Variants in SPTLC2 observed in about 807,000 individuals in gnomAD.
The protein encoded by SPTLC2 is serine palmitoyltransferase long chain base subunit 2.
SPTLC2 carries 21 observed loss-of-function variants against 62.0 expected under a neutral mutation model. That is an observed-to-expected ratio of 0.34 (90% confidence interval 0.24 to 0.49). SPTLC2 has a LOEUF of 0.49. Among genes scored for constraint, SPTLC2 ranks in the 20% least tolerant of loss-of-function variants. The pLI, the probability that SPTLC2 is intolerant of heterozygous loss-of-function variation, is 0.99. For missense variants in SPTLC2, 511 were observed against 713.0 expected (o/e 0.72, Z 3.23); for synonymous variants, 261 against 261.8 (o/e 1.00, Z 0.03).
chr14:77,587,635 C>T lies in SPTLC2; in HGVS notation c.328-8526G>A, dbSNP rs369511797. On this transcript the variant is annotated intron_variant, in intron 2 of 11. Coordinates refer to ENST00000216484, the MANE Select transcript of SPTLC2 (RefSeq NM_004863.4). Reference sequence around the variant, plus strand: ...ACAAAAAATTAACCGGGTGTGGTGGCAGGCACCTGTAATCCCAGCTACTCG... The same window carrying T: ...ACAAAAAATTAACCGGGTGTGGTGGTAGGCACCTGTAATCCCAGCTACTCG... Among the ~76,000 whole-genome samples the T allele has an allele frequency of 5.9e-4, 90 of 152,022 alleles. 2 individuals carry two copies. The South Asian group carries it at 0.018, about 30-fold the overall frequency.
At chr14:77,595,569 G>T (rs2079842117) in intron 2 of SPTLC2, among the ~76,000 whole-genome samples, 1 of 152,124 alleles carries the variant, frequency 6.6e-6, no homozygotes, top group South Asian at 2.1e-4. Context: ...CAAGATGGTT[G>T]AGATGAGAGA....
At chr14:77,512,525 G>T in intron 11 of SPTLC2, 122 bp from the exon 12 acceptor site, 1 of 1,429,544 alleles carries the variant, frequency 7.0e-7, no homozygotes. Flanking sequence ...TATGTCTAGT[G>T]CATTTACAAG....
chr14:77,601,844 G>C (rs2079879081), intron 1 of SPTLC2, among the ~76,000 whole-genome samples: 1 of 152,000 alleles, frequency 6.6e-6, no homozygotes, highest in Non-Finnish European at 1.5e-5. Flanking sequence ...TTCATTTTCT[G>C]ATAGAGACAA....
At chr14:77,604,836 C>T (rs111568333) in intron 1 of SPTLC2, among the ~76,000 whole-genome samples, 6,362 of 137,682 alleles carry the variant, frequency 0.046, 450 homozygotes, top group African/African-American at 0.16. Context: ...AACCACATTC[C>T]GGCCTGGGCA....
chr14:77,588,766 T>C (rs2140049043), intron 2 of SPTLC2, among the ~76,000 whole-genome samples: 1 of 150,718 alleles, frequency 6.6e-6, no homozygotes, highest in South Asian at 2.1e-4. Context: ...TTTAGGAGGC[T>C]GAGGCAGGCG....
chr14:77,596,470 T>C (rs2079848163), intron 2 of SPTLC2, among the ~76,000 whole-genome samples: 1 of 152,032 alleles, frequency 6.6e-6, no homozygotes, highest in Admixed American at 6.6e-5. Context: ...ACCACTGCAC[T>C]CCAGCCTGGG....
intron 8 of SPTLC2, 44 bp from the exon 9 acceptor site, chr14:77,552,266 T>A (rs769458285): frequency 1.2e-6 from 2 of 1,611,588 alleles, no homozygotes; most frequent in Admixed American, 3.3e-5. Context: ...AATTCTTGCA[T>A]TCACCGGCAA....
intron 2 of SPTLC2, among the ~76,000 whole-genome samples, chr14:77,582,644 G>A (rs1464516815): frequency 6.6e-6 from 1 of 152,172 alleles, no homozygotes; most frequent in African/African-American, 2.4e-5. Flanking sequence ...GATTAGGAAG[G>A]AAGCAATGGG....
At chr14:77,581,612 A>G (rs1476970111) in intron 2 of SPTLC2, among the ~76,000 whole-genome samples, 1 of 151,546 alleles carries the variant, frequency 6.6e-6, no homozygotes, top group African/African-American at 2.4e-5. Flanking sequence ...GGGTTTCACT[A>G]TGTTGGCCAG....
Position 77,506,468 on chromosome 14 carries a change from G to A in SPTLC2, c.*5816C>T, listed in dbSNP as rs778364257. Reference sequence around the variant, plus strand: ...CTTAATGTTAGCTGCCTGTTACAGAGAGGGATCATCAAGACTGTGTGGACA... The same window carrying A: ...CTTAATGTTAGCTGCCTGTTACAGAAAGGGATCATCAAGACTGTGTGGACA... On this transcript the variant is annotated 3_prime_UTR_variant, in exon 12 of 12. Transcript: ENST00000216484. 2 of 152,260 alleles carry A rather than the reference G, an allele frequency of 1.3e-5. No individual in the cohort carries two copies. Among genetic ancestry groups the A allele is most frequent in the African/African-American group, 4.8e-5 (2 of 41,466 alleles). 9.4% of individuals were successfully genotyped at this position (152,260 alleles called of 1,614,324 possible).
Position 77,512,313 on chromosome 14 carries a change from C to A in SPTLC2, c.1660G>T (p.Glu554Ter). Residue 554 changes from glutamate (E) to a stop codon, truncating the protein, a stop_gained, in exon 12 of 12, where the codon GAG becomes TAG. Transcript: ENST00000216484. LOFTEE classifies it high-confidence loss of function. Reference sequence around the variant, plus strand: ...TCTTCTGTTTCTTCATACGTCGTCTCGTCAAAGGGCCTGTCCAGTAGAGGT... The same window carrying A: ...TCTTCTGTTTCTTCATACGTCGTCTAGTCAAAGGGCCTGTCCAGTAGAGGT... ...LVPLLDRPFDETTYEETED is the reference protein window; with the variant it reads ...LVPLLDRPFD The A allele has an allele frequency of 6.2e-7, 1 of 1,614,184 alleles. No individual in the cohort carries two copies. Among genetic ancestry groups the A allele is most frequent in the Non-Finnish European group, 8.5e-7 (1 of 1,180,040 alleles).
chr14:77,604,352 T>C (rs1234657523), intron 1 of SPTLC2, among the ~76,000 whole-genome samples: 1 of 152,154 alleles, frequency 6.6e-6, no homozygotes, highest in Non-Finnish European at 1.5e-5. Flanking sequence ...CTGAGACTTG[T>C]TCAATTTCAT....
chr14:77,555,639 A>G (rs1483486519), intron 7 of SPTLC2, 120 bp from the exon 8 acceptor site: 1 of 1,017,210 alleles, frequency 9.8e-7, no homozygotes, highest in South Asian at 1.4e-5. Flanking sequence ...TTCTTGGGAC[A>G]GAGTTTTGCT....
chr14:77,551,441 A>G (rs1433632496), intron 9 of SPTLC2, among the ~76,000 whole-genome samples: 1 of 151,518 alleles, frequency 6.6e-6, no homozygotes, highest in African/African-American at 2.4e-5. Context: ...TGTCTCATAC[A>G]TGCAATGAAA....
In SPTLC2 at chr14:77,570,364, T is replaced by A; in HGVS notation, c.756+20A>T. The A allele has an allele frequency of 6.2e-7, 1 of 1,611,476 alleles. No homozygotes were observed. Among genetic ancestry groups the A allele is most frequent in the Non-Finnish European group, 8.5e-7 (1 of 1,179,776 alleles). On this transcript the variant is annotated intron_variant, in intron 5 of 11. Transcript: ENST00000216484. ...GAAGATATACATGAGGGAGTTTTCA[T>A]AAATGACAGAGTATCTTACTTTGCC...
chr14:77,528,238 C>CA (rs551046280), intron 9 of SPTLC2, among the ~76,000 whole-genome samples: 1 of 148,974 alleles, frequency 6.7e-6, no homozygotes, highest in East Asian at 1.9e-4. Context: ...TTTTCCTCTT[C>CA]TTTTTTTTTT....
chr14:77,557,041 C>T lies in SPTLC2; in HGVS notation c.956G>A (p.Ser319Asn). Residue 319 changes from serine (S) to asparagine (N), a missense_variant and splice_region_variant, in exon 7 of 12, where the codon AGC (serine) becomes AAC (asparagine). Coordinates refer to ENST00000216484, the MANE Select transcript of SPTLC2 (RefSeq NM_004863.4). ...GGTAAGAATAATAAAGCAGGATTAC[C>T]TATATATTCCTTCCACAAGGATGAG... ...KILILVEGIY[S>N]MEGSIVRLPE... The T allele has an allele frequency of 6.2e-7, 1 of 1,611,642 alleles. No homozygotes were observed. Among genetic ancestry groups the T allele is most frequent in the East Asian group, 2.2e-5 (1 of 44,858 alleles).
chr14:77,570,329 C>CAA, intron 5 of SPTLC2, 55 bp downstream of exon 5: 1 of 1,593,388 alleles, frequency 6.3e-7, no homozygotes, highest in Non-Finnish European at 8.5e-7. Context: ...GACTGCTTTT[C>CAA]AAAACAAAAG....
intron 9 of SPTLC2, among the ~76,000 whole-genome samples, chr14:77,543,704 G>A (rs1228362378): frequency 2.0e-5 from 3 of 152,152 alleles, no homozygotes; most frequent in African/African-American, 7.2e-5. Flanking sequence ...CATGACCACA[G>A]ATCTCTGAAT....
Sources: allele counts gnomAD v4.1 joint callset (sites outside exome capture counted in the v4.1 genomes callset), GRCh38; gene constraint gnomAD v4.1.1; transcripts MANE v1.5; gene names NCBI Gene and HGNC (gene_info 2026-07-23, HGNC 2026-07-21).